Variants in LAMA2 observed in about 807,000 individuals in gnomAD.
LAMA2 encodes the protein laminin subunit alpha-2.
LAMA2 carries 269 observed loss-of-function variants against 364.8 expected under a neutral mutation model. The ratio of observed to expected loss-of-function variants is 0.74; its 90% CI spans 0.67 to 0.82. The LOEUF is 0.82. Among genes scored for constraint, LAMA2 ranks in the 40% least tolerant of loss-of-function variants. LAMA2 has a pLI of 0.00. For synonymous variants in LAMA2, 1,379 were observed against 1,370.6 expected (o/e 1.01, Z -0.14); for missense variants, 3,807 against 3,873.2 (o/e 0.98, Z 0.45).
chr6:128,912,843 C>T (rs1232953902), intron 1 of LAMA2, among the ~76,000 whole-genome samples: 2 of 152,068 alleles, frequency 1.3e-5, no homozygotes, highest in Non-Finnish European at 2.9e-5. Context: ...GGCAGTTTCA[C>T]AGAGGAGTTG....
intron 29 of LAMA2, among the ~76,000 whole-genome samples, chr6:129,336,446 C>CA (rs1160368436): frequency 6.6e-6 from 1 of 152,012 alleles, no homozygotes; most frequent in African/African-American, 2.4e-5. Flanking sequence ...TCAAATTCAG[C>CA]AAAAAATAAT....
At chr6:128,960,437 C>T (rs1468190815) in intron 1 of LAMA2, among the ~76,000 whole-genome samples, 1 of 151,254 alleles carries the variant, frequency 6.6e-6, no homozygotes, top group Non-Finnish European at 1.5e-5. Context: ...CTCCCAGGTT[C>T]CAGCGATTCT....
At chr6:129,182,784 T>C (rs940038805) in intron 10 of LAMA2, among the ~76,000 whole-genome samples, 7 of 151,764 alleles carry the variant, frequency 4.6e-5, no homozygotes, top group African/African-American at 7.2e-5. Context: ...ATGAGATTCA[T>C]TTGTATCTAA....
intron 1 of LAMA2, among the ~76,000 whole-genome samples, chr6:128,903,650 G>A (rs1247775748): frequency 1.3e-5 from 2 of 152,106 alleles, no homozygotes; most frequent in Non-Finnish European, 2.9e-5. Flanking sequence ...TCTCTTGCAA[G>A]CTTCTTTATC....
Position 129,455,013 on chromosome 6 carries a change from C to G in LAMA2, c.6707+725C>G, listed in dbSNP as rs536782212. Reference sequence around the variant, plus strand: ...TTAAAGAACTGGTTAATTGTTGACTCTGGGTGATACATAGAGTTTCATGCT... The same window carrying G: ...TTAAAGAACTGGTTAATTGTTGACTGTGGGTGATACATAGAGTTTCATGCT... On this transcript the variant is annotated intron_variant, in intron 47 of 64. Transcript: ENST00000421865. Among the ~76,000 whole-genome samples the G allele has an allele frequency of 3.9e-5, 6 of 152,232 alleles. No homozygotes were observed. In the South Asian group the frequency reaches 1.0e-3, roughly 26 times the overall value.
intron 2 of LAMA2, among the ~76,000 whole-genome samples, chr6:129,055,869 C>T (rs192822025): frequency 5.9e-5 from 9 of 152,312 alleles, no homozygotes; most frequent in South Asian, 2.1e-4. Flanking sequence ...GGATGTTATA[C>T]GTTTCTATCT....
intron 12 of LAMA2, among the ~76,000 whole-genome samples, chr6:129,238,974 A>G (rs532342842): frequency 5.3e-5 from 8 of 152,258 alleles, no homozygotes; most frequent in African/African-American, 1.9e-4. Flanking sequence ...AATCCAGATC[A>G]TACTGATTTG....
intron 40 of LAMA2, 22 bp from the exon 41 acceptor site, chr6:129,427,730 A>T (rs780745628): frequency 1.1e-5 from 17 of 1,530,940 alleles, no homozygotes; most frequent in Non-Finnish European, 1.1e-5. Flanking sequence ...TAGATGTATG[A>T]CATTTGTTTT....
Position 129,370,633 on chromosome 6 carries a change from G to C in LAMA2, c.4959+643G>C, listed in dbSNP as rs191793541. On this transcript the variant is annotated intron_variant, in intron 34 of 64. Transcript: ENST00000421865. Reference sequence around the variant, plus strand: ...CAGAAATATGCATGAAGCTAGAAACGGGGCTGCAAAGTACGGATTTAATTT... The same window carrying C: ...CAGAAATATGCATGAAGCTAGAAACCGGGCTGCAAAGTACGGATTTAATTT... Among the ~76,000 whole-genome samples the C allele has an allele frequency of 1.4e-3, 220 of 152,306 alleles. 2 individuals are homozygous for C. The highest frequency in any genetic ancestry group is 1.5e-4 in the Non-Finnish European group (10 of 68,016).
rs574585687 is a variant in LAMA2 at position 129,332,659 on chromosome 6, A to G, written c.4311+4247A>G. Among the ~76,000 whole-genome samples the G allele has an allele frequency of 2.0e-5, 3 of 152,280 alleles. No individual in the cohort carries two copies. In the South Asian group the frequency reaches 6.2e-4, roughly 32 times the overall value. On this transcript the variant is annotated intron_variant, in intron 29 of 64. Transcript: ENST00000421865. ...AAACTGTTTTAAGGTTGTCTATATC[A>G]AGCACGCATTTCTCATATAAAAATT...
Position 129,514,517 on chromosome 6 carries a change from C to A in LAMA2, c.9133C>A (p.Gln3045Lys), listed in dbSNP as rs1786872375. 6.2e-7 allele frequency: 1 copy of A among 1,614,126 alleles called. No individual in the cohort carries two copies. Among genetic ancestry groups the A allele is most frequent in the South Asian group, 1.1e-5 (1 of 91,086 alleles). The change falls in exon 64 of 65, where the codon CAG (glutamine) becomes AAG (lysine). Residue 3045 changes from glutamine (Q) to lysine (K), a missense_variant. Coordinates refer to ENST00000421865, the MANE Select transcript of LAMA2 (RefSeq NM_000426.4). ...HRIELTVDGN[Q>K]VEAQSPNPAS... ...CATTGAGCTCACAGTCGATGGGAAC[C>A]AGGTGGAAGCCCAAAGCCCAAACCC... is the stretch of plus-strand genomic sequence containing the variant.
intron 4 of LAMA2, among the ~76,000 whole-genome samples, chr6:129,140,306 G>C (rs1166248776): frequency 6.6e-6 from 1 of 151,994 alleles, no homozygotes; most frequent in Non-Finnish European, 1.5e-5. Flanking sequence ...GTATAATATT[G>C]ATATAGTTAT....
chr6:129,505,216 G>A lies in LAMA2; in HGVS notation c.8564G>A (p.Ser2855Asn), dbSNP rs774529491. 1 of 1,613,890 alleles carries A rather than the reference G, an allele frequency of 6.2e-7. No homozygotes were observed. The highest frequency in any genetic ancestry group is 8.5e-7 in the Non-Finnish European group (1 of 1,179,810). The change falls in exon 61 of 65, where the codon AGT becomes AAT. Residue 2855 changes from serine to asparagine, a missense_variant. Around this residue, in one of 3 missense-constraint regions of LAMA2, gnomAD observed 3,333 missense variants for 3,345.7 expected, o/e 1.00. Coordinates refer to ENST00000421865, the MANE Select transcript of LAMA2 (RefSeq NM_000426.4). Reference sequence around the variant, plus strand: ...TTTTTGTAGATTAAGATAATGAGAAGTAAGCAAGAAGGAATTCTTTATGTA... The same window carrying A: ...TTTTTGTAGATTAAGATAATGAGAAATAAGCAAGAAGGAATTCTTTATGTA... ...GQWHKIKIMR[S>N]KQEGILYVDG...
intron 12 of LAMA2, among the ~76,000 whole-genome samples, chr6:129,220,037 G>C (rs1393918431): frequency 6.6e-6 from 1 of 151,878 alleles, no homozygotes; most frequent in Non-Finnish European, 1.5e-5. Context: ...ATTGACACTG[G>C]GCTGCTCCCT....
chr6:128,904,449 T>A (rs994819297), intron 1 of LAMA2, among the ~76,000 whole-genome samples: 1 of 145,838 alleles, frequency 6.9e-6, no homozygotes, highest in Non-Finnish European at 1.5e-5. Context: ...ATTTTTTTCC[T>A]TTCTTTTTTT....
intron 17 of LAMA2, among the ~76,000 whole-genome samples, chr6:129,274,136 AATTTT>A (rs1788130976): frequency 0.013 from 6 of 458 alleles, no homozygotes; most frequent in Admixed American, 0.091. Flanking sequence ...CATTTAAAAC[AATTTT>A]ACATTTAAAA....
At chr6:129,004,571 C>G (rs1169246655) in intron 1 of LAMA2, among the ~76,000 whole-genome samples, 1 of 152,128 alleles carries the variant, frequency 6.6e-6, no homozygotes, top group South Asian at 2.1e-4. Context: ...CTGTGGACTG[C>G]TAAATGATCA....
At chr6:129,183,878 G>A (rs1781075926) in intron 10 of LAMA2, among the ~76,000 whole-genome samples, 1 of 151,790 alleles carries the variant, frequency 6.6e-6, no homozygotes. Context: ...ACAATAAGAA[G>A]ATAACACAAT....
intron 1 of LAMA2, among the ~76,000 whole-genome samples, chr6:128,933,383 T>A (rs1562845329): frequency 6.6e-6 from 1 of 152,180 alleles, no homozygotes; most frequent in South Asian, 2.1e-4. Context: ...AACATGTGGA[T>A]GCAGATATCT....
Sources: allele counts gnomAD v4.1 joint callset (sites outside exome capture counted in the v4.1 genomes callset), GRCh38; gene constraint gnomAD v4.1.1; regional missense constraint gnomAD v4.1.1; transcripts MANE v1.5; gene names NCBI Gene and HGNC (gene_info 2026-07-23, HGNC 2026-07-21).